The following MICAL3 variants were observed in gnomAD, a reference collection of about 807,000 sequenced individuals.
MICAL3 encodes [F-actin]-monooxygenase MICAL3.
In MICAL3, 62 loss-of-function variants were observed where a neutral mutation model predicts 207.4. That is an observed-to-expected ratio of 0.30 (90% CI 0.24 to 0.37). MICAL3 has a LOEUF of 0.37. MICAL3 is among the 10% of genes least tolerant of loss of function. The pLI, the probability that MICAL3 is intolerant of heterozygous loss-of-function variation, is 1.00. For synonymous variants in MICAL3, 1,077 were observed against 1,069.3 expected, an observed-to-expected ratio of 1.01 and a Z score of -0.14; for missense variants, 2,368 against 2,635.6, an observed-to-expected ratio of 0.90 and a Z score of 2.22.
intron 16 of MICAL3, among the ~76,000 whole-genome samples, chr22:17,874,053 C>G (rs567537526): frequency 6.6e-6 from 1 of 152,330 alleles, no homozygotes; most frequent in Admixed American, 6.5e-5. Flanking sequence ...GGAAGAAACA[C>G]AGAAGCACCG....
rs747566214 is a variant in MICAL3 at position 17,818,068 on chromosome 22, G to A, written c.4593C>T (p.Asp1531=). 40 of 1,612,950 alleles carry A rather than the reference G, an allele frequency of 2.5e-5. No individual in the cohort carries two copies. Among genetic ancestry groups the A allele is most frequent in the South Asian group, 8.8e-5 (8 of 91,050 alleles). Residue 1531 remains aspartate (D), a synonymous_variant, in exon 26 of 32, where the codon GAC becomes GAT. Transcript: ENST00000441493. ...GCAGGCTTGAGTCCTCAGTCTTGTCGTCATAGGTGTCCTCCACATCATCAG... is the reference window on the plus strand; with the variant it reads ...GCAGGCTTGAGTCCTCAGTCTTGTCATCATAGGTGTCCTCCACATCATCAG... ...PFADDVEDTY[D]DKTEDSSLQE...
chr22:17,876,236 C>T (rs1363350552), intron 16 of MICAL3, among the ~76,000 whole-genome samples: 1 of 152,200 alleles, frequency 6.6e-6, no homozygotes, highest in Non-Finnish European at 1.5e-5. Context: ...CAGCTAGGAA[C>T]CCAGTCCCCA....
At chr22:17,944,202 C>T (rs1933944562) in intron 1 of MICAL3, among the ~76,000 whole-genome samples, 1 of 152,180 alleles carries the variant, frequency 6.6e-6, no homozygotes, top group South Asian at 2.1e-4. Flanking sequence ...AAACCTCTAT[C>T]CAGAAACTAA....
In MICAL3 at chr22:17,790,362, A is replaced by G. The variant is rs997694736; in HGVS notation, c.*370T>C. The G allele has an allele frequency of 4.2e-6, 1 of 237,784 alleles. No homozygotes were observed. The highest frequency in any genetic ancestry group is 8.3e-6 in the Non-Finnish European group (1 of 120,532). The allele number at this position is 237,784 out of a possible 1,614,324, so 14.7% of individuals were successfully genotyped here. ...GAAGACAGTGCCCCTCGCACGGCGC[A>G]CTGTGGTTCTGACGGGGAGCAGCTT... On this transcript the variant is annotated 3_prime_UTR_variant, in exon 32 of 32. Transcript: ENST00000441493.
intron 16 of MICAL3, chr22:17,881,289 C>T: frequency 1.2e-6 from 2 of 1,606,584 alleles, no homozygotes; most frequent in Non-Finnish European, 1.7e-6. Flanking sequence ...TCCGAGAACA[C>T]TCCTTTTCCC....
chr22:17,846,457 G>T (rs1250982245), intron 19 of MICAL3, among the ~76,000 whole-genome samples: 1 of 152,148 alleles, frequency 6.6e-6, no homozygotes, highest in Non-Finnish European at 1.5e-5. Context: ...TCTCTGTCCT[G>T]AGCAAGGGGC....
chr22:17,936,446 G>C (rs1328323309), intron 1 of MICAL3, among the ~76,000 whole-genome samples: 1 of 152,006 alleles, frequency 6.6e-6, no homozygotes, highest in Non-Finnish European at 1.5e-5. Flanking sequence ...ACTAGGGGAG[G>C]GATAGCATTA....
chr22:17,894,470 C>T (rs1006894079), intron 10 of MICAL3, among the ~76,000 whole-genome samples: 3 of 151,034 alleles, frequency 2.0e-5, no homozygotes, highest in Non-Finnish European at 2.9e-5. Flanking sequence ...CTAAGAGTCT[C>T]GGTTGGACTA....
chr22:17,790,080 C>G lies in MICAL3; in HGVS notation c.*652G>C, dbSNP rs1297846464. On this transcript the variant is annotated 3_prime_UTR_variant, in exon 32 of 32. Coordinates refer to ENST00000441493, the MANE Select transcript of MICAL3 (RefSeq NM_015241.3). ...AATGCAGCAACCCACAAGCCTCAGG[C>G]CACAGCCAGCAAGCGGCCCAGGCAT... 6.6e-6 allele frequency: 1 copy of G among 152,258 alleles called. No individual in the cohort carries two copies. Among genetic ancestry groups the G allele is most frequent in the East Asian group, 1.9e-4 (1 of 5,182 alleles). 9.4% of individuals were successfully genotyped at this position (152,258 alleles called of 1,614,324 possible).
chr22:17,898,298 A>G (rs1310670676), intron 7 of MICAL3, among the ~76,000 whole-genome samples: 2 of 152,250 alleles, frequency 1.3e-5, no homozygotes, highest in African/African-American at 4.8e-5. Context: ...GTAGTCCCAG[A>G]TAATTAGCAA....
At chr22:17,862,859 G>A (rs1017638366) in intron 19 of MICAL3, 30 of 985,364 alleles carry the variant, frequency 3.0e-5, no homozygotes, top group Non-Finnish European at 3.3e-5. Context: ...CAAGCTGGGG[G>A]ACAGTGCCTG....
intron 19 of MICAL3, among the ~76,000 whole-genome samples, chr22:17,847,648 G>A (rs547012277): frequency 1.6e-4 from 24 of 152,294 alleles, no homozygotes; most frequent in African/African-American, 5.1e-4. Context: ...TCACCTTCCC[G>A]CAAGAATGGC....
chr22:17,911,698 G>T (rs1162218273), intron 1 of MICAL3, among the ~76,000 whole-genome samples: 1 of 152,124 alleles, frequency 6.6e-6, no homozygotes, highest in Non-Finnish European at 1.5e-5. Context: ...TGGGTGTGGT[G>T]GCATTCGCCT....
intron 1 of MICAL3, among the ~76,000 whole-genome samples, chr22:17,929,673 T>C (rs1315608491): frequency 2.0e-5 from 3 of 147,288 alleles, no homozygotes; most frequent in Non-Finnish European, 3.0e-5. Flanking sequence ...GTTCATGCCA[T>C]TCTCCTGCCT....
At position 17,817,550 on chromosome 22, in the gene MICAL3, G is replaced by C. The variant is rs1309475101; in HGVS notation, c.5111C>G (p.Ser1704Cys). The C allele has an allele frequency of 3.1e-6, 5 of 1,613,326 alleles. No individual in the cohort carries two copies. In the Admixed American group the frequency reaches 8.3e-5, roughly 27 times the overall value. ...GKSKKRSSLF[S>C]PRRNKKEKKS... Reference sequence around the variant, plus strand: ...CTTCTCCTTCTTGTTTCTGCGGGGGGAGAAGAGTGACGACCTCTTCTTGCT... The same window carrying C: ...CTTCTCCTTCTTGTTTCTGCGGGGGCAGAAGAGTGACGACCTCTTCTTGCT... The change falls in exon 26 of 32, where the codon TCC (serine) becomes TGC (cysteine). Residue 1704 changes from serine (S) to cysteine (C), a missense_variant. This residue lies in a region of MICAL3 where 1,770 missense variants were observed against 1,863.2 expected (regional missense o/e 0.95). Transcript: ENST00000441493.
chr22:17,816,310 G>C (rs747638401), intron 27 of MICAL3, among the ~76,000 whole-genome samples: 3 of 152,200 alleles, frequency 2.0e-5, no homozygotes, highest in Non-Finnish European at 4.4e-5. Context: ...TCCCAGCTCC[G>C]CCAGCAGCCC....
chr22:17,967,837 G>T (rs965683333), intron 1 of MICAL3, among the ~76,000 whole-genome samples: 1 of 151,740 alleles, frequency 6.6e-6, no homozygotes, highest in Non-Finnish European at 1.5e-5. Flanking sequence ...ACTAGGTCAG[G>T]AGTTCGAGAC....
intron 1 of MICAL3, among the ~76,000 whole-genome samples, chr22:17,919,148 G>A (rs569882435): frequency 2.7e-5 from 4 of 148,252 alleles, no homozygotes; most frequent in Non-Finnish European, 4.4e-5. Context: ...ATAGCTCAGT[G>A]CAGCTTCCTC....
At chr22:17,962,089 G>A (rs1934938349) in intron 1 of MICAL3, among the ~76,000 whole-genome samples, 1 of 152,228 alleles carries the variant, frequency 6.6e-6, no homozygotes, top group Non-Finnish European at 1.5e-5. Flanking sequence ...AGTGACTGGA[G>A]AGAGGGGTAG....
Sources: allele counts gnomAD v4.1 joint callset (sites outside exome capture counted in the v4.1 genomes callset), GRCh38; gene constraint gnomAD v4.1.1; regional missense constraint gnomAD v4.1.1; transcripts MANE v1.5; gene names NCBI Gene and HGNC (gene_info 2026-07-23, HGNC 2026-07-21).